PCDHGB4: variants seen among roughly 807,000 people sequenced by gnomAD.
PCDHGB4 encodes protocadherin gamma subfamily B, 4.
In PCDHGB4, 38 loss-of-function variants were observed where a neutral mutation model predicts 60.5. The ratio of observed to expected loss-of-function variants is 0.63; its 90% confidence interval spans 0.48 to 0.82. PCDHGB4 has a LOEUF of 0.82. Among genes scored for constraint, PCDHGB4 ranks in the 40% least tolerant of loss-of-function variants. The pLI is 0.00. For missense variants in PCDHGB4, 1,109 were observed against 1,209.6 expected (o/e 0.92, Z 1.23); for synonymous variants, 456 against 509.7 (o/e 0.89, Z 1.42).
chr5:141,456,942 A>C (rs11737987), intron 1 of PCDHGB4, among the ~76,000 whole-genome samples: 42,405 of 152,066 alleles, frequency 0.28, 6,638 homozygotes, highest in African/African-American at 0.43. Flanking sequence ...CAGCCTGGGC[A>C]ACAGAGCAAA....
chr5:141,389,845 C>T lies in PCDHGB4; in HGVS notation c.1961C>T (p.Ala654Val). The change falls in exon 1 of 4, where the codon GCC (alanine) becomes GTC (valine). Residue 654 changes from alanine to valine, a missense_variant. Ala to Val is a moderately conservative substitution (Grantham distance 64, BLOSUM62 0). Around this residue, in one of 2 missense-constraint regions of PCDHGB4, gnomAD observed 1,068 missense variants for 1,089.9 expected, o/e 0.98. Transcript: ENST00000519479. The part of the protein sequence containing the change: ...VRDGGQPPLS[A>V]TATLHLVFAD... ...GACGGTGGACAGCCACCACTCTCGG[C>T]CACTGCCACGTTGCACCTGGTCTTC... 6.2e-7 allele frequency: 1 copy of T among 1,614,054 alleles called. No individual in the cohort carries two copies.
intron 1 of PCDHGB4, among the ~76,000 whole-genome samples, chr5:141,402,682 T>C (rs1012328239): frequency 2.0e-5 from 3 of 152,256 alleles, no homozygotes; most frequent in South Asian, 4.1e-4. Context: ...CCATCTGATA[T>C]AATGTTACAC....
intron 1 of PCDHGB4, chr5:141,400,189 CT>C (rs770137840): frequency 5.6e-6 from 9 of 1,614,056 alleles, no homozygotes; most frequent in Non-Finnish European, 7.6e-6. Context: ...GCAGTTTTAC[CT>C]AGTGGTGGCC....
chr5:141,492,548 C>T (rs1028674110), intron 1 of PCDHGB4, among the ~76,000 whole-genome samples: 5 of 152,218 alleles, frequency 3.3e-5, no homozygotes, highest in African/African-American at 9.6e-5. Flanking sequence ...TGGGCCGGGT[C>T]GCCTGGGGGG....
At chr5:141,415,937 C>T (rs939831077) in intron 1 of PCDHGB4, 8 of 587,822 alleles carry the variant, frequency 1.4e-5, no homozygotes, top group Non-Finnish European at 2.0e-5. Context: ...TATATTTCCT[C>T]CTGGGTGGTC....
At chr5:141,399,189 A>G (rs1015744299) in intron 1 of PCDHGB4, 11 of 1,613,970 alleles carry the variant, frequency 6.8e-6, no homozygotes, top group African/African-American at 1.3e-5. Context: ...TGATTCTGGA[A>G]AACGCGGTGC....
chr5:141,388,016 C>T lies in PCDHGB4; in HGVS notation c.132C>T (p.Gly44=), dbSNP rs1026420398. ...RYRIPEEMPK[G]SVVGNLATDL... is the part of the protein sequence containing the mutation. Reference sequence around the variant, plus strand: ...GGATTCCCGAGGAAATGCCCAAGGGCTCCGTAGTGGGGAACCTCGCCACGG... The same window carrying T: ...GGATTCCCGAGGAAATGCCCAAGGGTTCCGTAGTGGGGAACCTCGCCACGG... The change falls in exon 1 of 4, where the codon GGC becomes GGT. Residue 44 remains glycine, a synonymous_variant. Coordinates refer to ENST00000519479, the MANE Select transcript of PCDHGB4 (RefSeq NM_003736.4). 4.1e-6 allele frequency: 6 copies of T among 1,465,422 alleles called. No individual in the cohort carries two copies. In the African/African-American group the frequency reaches 7.1e-5, roughly 17 times the overall value. The allele number at this position is 1,465,422 out of a possible 1,614,324, so 90.8% of individuals were successfully genotyped here.
rs200317374 is a variant in PCDHGB4, at chr5:141,408,395, A to C, written c.2397+18114A>C. 29 of 1,613,856 alleles carry C rather than the reference A, an allele frequency of 1.8e-5. No homozygotes were observed. The South Asian group carries it at 3.0e-4, about 16-fold the overall frequency. On this transcript the variant is annotated intron_variant, in intron 1 of 3. Transcript: ENST00000519479. ...CAGTGTCCTGGATGTGTCGGCTCGC[A>C]AGCTGCGAGTGAGCGCGGAGAAGCT...
At chr5:141,449,796 A>G (rs1358409274) in intron 1 of PCDHGB4, among the ~76,000 whole-genome samples, 2 of 151,590 alleles carry the variant, frequency 1.3e-5, no homozygotes, top group Admixed American at 6.6e-5. Context: ...TTATTCCTAA[A>G]TACCTCATTG....
intron 1 of PCDHGB4, among the ~76,000 whole-genome samples, chr5:141,467,395 G>A (rs1197131223): frequency 6.6e-6 from 1 of 152,056 alleles, no homozygotes; most frequent in African/African-American, 2.4e-5. Flanking sequence ...TTAAGTCATA[G>A]TTAGAAAGCC....
At chr5:141,398,593 G>A (rs2093676056) in intron 1 of PCDHGB4, 1 of 1,614,044 alleles carries the variant, frequency 6.2e-7, no homozygotes, top group Non-Finnish European at 8.5e-7. Flanking sequence ...TATACTAGAA[G>A]TAGCAGAAGA....
At chr5:141,478,862 C>T (rs1057119202) in intron 1 of PCDHGB4, 23 of 1,325,916 alleles carry the variant, frequency 1.7e-5, no homozygotes, top group Non-Finnish European at 2.2e-5. Flanking sequence ...AAGATCTCAG[C>T]GATCAGAGTT....
chr5:141,388,647 G>A lies in PCDHGB4; in HGVS notation c.763G>A (p.Val255Met), dbSNP rs778996768. ...DVYRVSLSEN[V>M]YPGTTVLQVT... ...ATACAGGGTGAGCCTTTCAGAAAAC[G>A]TGTACCCGGGGACCACGGTGCTACA... Residue 255 changes from valine to methionine, a missense_variant, in exon 1 of 4, where the codon GTG (valine) becomes ATG (methionine). By Grantham distance (21) the Val-to-Met change is conservative. Around this residue, in one of 2 missense-constraint regions of PCDHGB4, gnomAD observed 1,068 missense variants for 1,089.9 expected, o/e 0.98. Coordinates refer to ENST00000519479, the MANE Select transcript of PCDHGB4 (RefSeq NM_003736.4). The A allele has an allele frequency of 6.8e-6, 11 of 1,613,892 alleles. No homozygotes were observed. The Admixed American group carries it at 1.0e-4, about 15-fold the overall frequency.
chr5:141,408,058 G>A, intron 1 of PCDHGB4: 1 of 1,316,270 alleles, frequency 7.6e-7, no homozygotes. Flanking sequence ...GAGCCTCCCG[G>A]CTGCGCAGAC....
At chr5:141,438,633 TATACAC>T (rs1275936248) in intron 1 of PCDHGB4, among the ~76,000 whole-genome samples, 1,035 of 33,718 alleles carry the variant, frequency 0.031, 6 homozygotes, top group African/African-American at 0.063. Context: ...TATATATATA[TATACAC>T]ACACACACAC....
intron 1 of PCDHGB4, chr5:141,414,689 T>G (rs1256681548): frequency 1.2e-6 from 2 of 1,614,070 alleles, no homozygotes; most frequent in Non-Finnish European, 8.5e-7. Context: ...GGGGTACCTC[T>G]GTCCTCATAC....
chr5:141,410,399 G>A, intron 1 of PCDHGB4: 1 of 1,614,044 alleles, frequency 6.2e-7, no homozygotes. Flanking sequence ...TGGTCTCTGT[G>A]TCAAGTCTGG....
At position 141,505,378 on chromosome 5, in the gene PCDHGB4, C is replaced by T. The variant is rs376550639; in HGVS notation, c.2457-15C>T. 2 of 1,614,034 alleles carry T rather than the reference C, an allele frequency of 1.2e-6. No homozygotes were observed. The highest frequency in any genetic ancestry group is 2.2e-5 in the East Asian group (1 of 44,872). On this transcript the variant is annotated splice_polypyrimidine_tract_variant and intron_variant, in intron 2 of 3. Transcript: ENST00000519479. ...GGCCTGGGAGTCTGTGCTCACCATC[C>T]TACTCTCTCCCCAGCTCCCAAAATG...
At chr5:141,430,902 T>C (rs373775073) in intron 1 of PCDHGB4, 4 of 1,606,232 alleles carry the variant, frequency 2.5e-6, no homozygotes, top group Admixed American at 3.4e-5. Context: ...GTGGGCGACA[T>C]CTCCAGGGAC....
Sources: allele counts gnomAD v4.1 joint callset (sites outside exome capture counted in the v4.1 genomes callset), GRCh38; gene constraint gnomAD v4.1.1; regional missense constraint gnomAD v4.1.1; transcripts MANE v1.5; gene names NCBI Gene and HGNC (gene_info 2026-07-23, HGNC 2026-07-21).